Variants in DNAI7 observed in about 807,000 individuals in gnomAD.
DNAI7 encodes dynein axonemal intermediate chain 7, also known as cancer susceptibility 1.
A neutral mutation model predicts 86.6 loss-of-function variants in DNAI7; 78 were observed. The observed-to-expected ratio is 0.90, with a 90% CI of 0.75 to 1.09. The LOEUF (loss-of-function observed/expected upper bound fraction) is 1.09, where lower values mean the gene tolerates loss of function less well. Among genes scored for constraint, DNAI7 ranks in the 50% least tolerant of loss-of-function variants. The pLI is 0.00. For missense variants in DNAI7, 753 were observed against 810.2 expected, an observed-to-expected ratio of 0.93 and a Z score of 0.86; for synonymous variants, 274 against 273.0, an observed-to-expected ratio of 1.00 and a Z score of -0.04.
chr12:25,108,126 T>A, downstream of DNAI7: 2 of 1,550,692 alleles, frequency 1.3e-6, no homozygotes, highest in Non-Finnish European at 8.8e-7. Flanking sequence ...CGTAAATTAG[T>A]AACTTTTAGC....
rs1940789232 is a variant in DNAI7, at chr12:25,119,223, G to A, written c.1318C>T (p.Pro440Ser). ...EEFETENAFPPIEVTLEVHEN... is the reference protein window; with the variant it reads ...EEFETENAFPSIEVTLEVHEN... ...TGAACCTCAAGTGTGACCTCTATAG[G>A]TGGGAAAGCATTTTCTGTCTCAAAC... The change falls in exon 12 of 16, where the codon CCT (proline) becomes TCT (serine). Residue 440 changes from proline (P) to serine (S), a missense_variant. Transcript: ENST00000395987. 1 of 1,612,324 alleles carries A rather than the reference G, an allele frequency of 6.2e-7. No homozygotes were observed. Among genetic ancestry groups the A allele is most frequent in the African/African-American group, 1.3e-5 (1 of 74,880 alleles).
chr12:25,190,837 A>C (rs1410584508), intron 1 of DNAI7, among the ~76,000 whole-genome samples: 1 of 152,200 alleles, frequency 6.6e-6, no homozygotes, highest in Non-Finnish European at 1.5e-5. Context: ...CAAAACTACA[A>C]ATAAGTATAG....
intron 9 of DNAI7, among the ~76,000 whole-genome samples, chr12:25,137,570 C>T (rs1378217408): frequency 6.6e-6 from 1 of 152,060 alleles, no homozygotes; most frequent in Non-Finnish European, 1.5e-5. Context: ...TGTAAATGGC[C>T]TAAATGCTCC....
At chr12:25,134,482 G>A (rs10842478) in intron 9 of DNAI7, among the ~76,000 whole-genome samples, 75,824 of 148,692 alleles carry the variant, frequency 0.51, 22,228 homozygotes, top group East Asian at 0.89. Flanking sequence ...TCAGCCTCCC[G>A]AGCAGTTGGG....
At position 25,190,594 on chromosome 12, in the gene DNAI7, T is replaced by G. The variant is rs369637933; in HGVS notation, c.21+20A>C. 1 of 1,252,980 alleles carries G rather than the reference T, an allele frequency of 8.0e-7. No individual in the cohort carries two copies. Among genetic ancestry groups the G allele is most frequent in the African/African-American group, 1.5e-5 (1 of 66,554 alleles). 77.6% of individuals were successfully genotyped at this position (1,252,980 alleles called of 1,614,324 possible). Reference sequence around the variant, plus strand: ...GTAAGTGATTATACAACTATCTATTTTGAAAAAAATTCTACATACCTTTTT... The same window carrying G: ...GTAAGTGATTATACAACTATCTATTGTGAAAAAAATTCTACATACCTTTTT... On this transcript the variant is annotated intron_variant, in intron 2 of 15. Coordinates refer to ENST00000395987, the MANE Select transcript of DNAI7 (RefSeq NM_018272.5).
At chr12:25,164,067 C>T (rs1947143859) in intron 2 of DNAI7, among the ~76,000 whole-genome samples, 1 of 152,206 alleles carries the variant, frequency 6.6e-6, no homozygotes, top group Admixed American at 6.5e-5. Context: ...TGGTCCTTCA[C>T]CCTTAGCGGC....
In DNAI7 at chr12:25,149,703, C is replaced by T. The variant is rs145423143; in HGVS notation, c.510G>A (p.Gln170=). The change falls in exon 7 of 16, where the codon CAG becomes CAA. Residue 170 remains glutamine (Q), a synonymous_variant. Transcript: ENST00000395987. ...PCDLQDKNII[Q]YQESILQLQE... is the part of the protein sequence containing the mutation. ...GCAGTTGTAGTATTGATTCTTGGTA[C>T]TGTATTATATTTTTATCTTGCAAAT... The T allele has an allele frequency of 5.7e-6, 9 of 1,584,788 alleles. No homozygotes were observed. Among genetic ancestry groups the T allele is most frequent in the Non-Finnish European group, 7.8e-6 (9 of 1,155,138 alleles).
chr12:25,171,915 C>A (rs575519665), intron 2 of DNAI7, among the ~76,000 whole-genome samples: 1 of 152,220 alleles, frequency 6.6e-6, no homozygotes, highest in East Asian at 1.9e-4. Context: ...ATCCAGCATC[C>A]CTTTATGATT....
intron 2 of DNAI7, among the ~76,000 whole-genome samples, chr12:25,187,734 G>C (rs1234324704): frequency 6.6e-6 from 1 of 152,056 alleles, no homozygotes; most frequent in African/African-American, 2.4e-5. Flanking sequence ...AAACAAAAAG[G>C]TCCCCAAGGT....
intron 12 of DNAI7, among the ~76,000 whole-genome samples, chr12:25,117,533 C>T (rs1031164012): frequency 7.2e-5 from 11 of 152,226 alleles, no homozygotes; most frequent in African/African-American, 2.2e-4. Context: ...GTGTACTCCT[C>T]TCATCTAGGA....
In DNAI7 at chr12:25,117,939, T is replaced by TTTC. The variant is rs72081898; in HGVS notation, c.1396+1205_1396+1206insGAA. On this transcript the variant is annotated intron_variant, in intron 12 of 15. Coordinates refer to ENST00000395987, the MANE Select transcript of DNAI7 (RefSeq NM_018272.5). ...AAACTATTTTGATATTTTCTTTTTC[T>TTTC]TTTTTTTTTTTTTTTTGAGACGGAG... Among the ~76,000 whole-genome samples the TTTC allele has an allele frequency of 9.8e-4, 21 of 21,372 alleles. 5 individuals carry two copies. The highest frequency in any genetic ancestry group is 0.25 in the East Asian group (2 of 8). The allele number at this position is 21,372 out of a possible 152,430, so 14.0% of individuals were successfully genotyped here.
At chr12:25,114,082 A>G (rs936588934) in intron 13 of DNAI7, among the ~76,000 whole-genome samples, 1 of 150,974 alleles carries the variant, frequency 6.6e-6, no homozygotes, top group East Asian at 1.9e-4. Context: ...AGTAGCTGGG[A>G]TTACAGGTGT....
chr12:25,173,256 AAAAC>A (rs1174853735), intron 2 of DNAI7, among the ~76,000 whole-genome samples: 3 of 152,106 alleles, frequency 2.0e-5, no homozygotes, highest in Admixed American at 6.6e-5. Context: ...CAGTAAGAAA[AAAAC>A]AAACAAACCC....
At chr12:25,162,633 A>G (rs1205837316) in intron 2 of DNAI7, among the ~76,000 whole-genome samples, 1 of 152,170 alleles carries the variant, frequency 6.6e-6, no homozygotes, top group Non-Finnish European at 1.5e-5. Context: ...CATTAGCTCC[A>G]CTGGAATCTC....
chr12:25,108,031 C>T, downstream of DNAI7: 1 of 1,614,038 alleles, frequency 6.2e-7, no homozygotes. Flanking sequence ...ATTTACCAGA[C>T]TCCGACACAA....
chr12:25,136,655 G>A (rs565563221), intron 9 of DNAI7, among the ~76,000 whole-genome samples: 1 of 152,172 alleles, frequency 6.6e-6, no homozygotes, highest in East Asian at 1.9e-4. Context: ...TAAAGAAATT[G>A]TAAAAATGAT....
intron 12 of DNAI7, 40 bp downstream of exon 12, chr12:25,119,105 G>A (rs755859347): frequency 9.2e-6 from 14 of 1,515,186 alleles, no homozygotes; most frequent in Non-Finnish European, 1.2e-5. Flanking sequence ...GGGTTTTTAT[G>A]ATTATCCCTC....
At position 25,134,539 on chromosome 12, in the gene DNAI7, T is replaced by G. The variant is rs953377246; in HGVS notation, c.1002+9826A>C. On this transcript the variant is annotated intron_variant, in intron 9 of 15. Transcript: ENST00000395987. ...GCCCAGCTAATTTTTGTATTTTTAA[T>G]AGAGACAGGGTTTCACCATGTTGGC... Among the ~76,000 whole-genome samples the G allele has an allele frequency of 5.3e-5, 8 of 151,970 alleles. 1 individual carries two copies. The highest frequency in any genetic ancestry group is 1.9e-4 in the African/African-American group (8 of 41,464).
At chr12:25,182,036 T>TAA (rs1949552299) in intron 2 of DNAI7, among the ~76,000 whole-genome samples, 1 of 122,564 alleles carries the variant, frequency 8.2e-6, no homozygotes, top group Non-Finnish European at 1.5e-5. Flanking sequence ...AAAAGAAATT[T>TAA]TTTTTTTTTT....
Sources: allele counts gnomAD v4.1 joint callset (sites outside exome capture counted in the v4.1 genomes callset), GRCh38; gene constraint gnomAD v4.1.1; transcripts MANE v1.5; gene names NCBI Gene and HGNC (gene_info 2026-07-23, HGNC 2026-07-21).